NLGN1: variants seen among roughly 807,000 people sequenced by gnomAD.
NLGN1 encodes the protein neuroligin-1.
A neutral mutation model predicts 65.5 loss-of-function variants in NLGN1; 12 were observed. That is an observed-to-expected ratio of 0.18 (90% CI 0.12 to 0.30). The LOEUF (loss-of-function observed/expected upper bound fraction) is 0.30, where lower values mean the gene tolerates loss of function less well. Among genes scored for constraint, NLGN1 ranks in the 10% least tolerant of loss-of-function variants. NLGN1 has a pLI of 1.00. For synonymous variants in NLGN1, 350 were observed against 359.5 expected (o/e 0.97, Z 0.30); for missense variants, 750 against 1,007.1 (o/e 0.74, Z 3.46).
At chr3:173,400,902 A>T (rs1717561744) in intron 1 of NLGN1, among the ~76,000 whole-genome samples, 2 of 152,240 alleles carry the variant, frequency 1.3e-5, no homozygotes, top group East Asian at 3.8e-4. Flanking sequence ...GATTAAGCAA[A>T]TAAAGCTTTA....
At chr3:174,159,597 CAAAG>C (rs1726118229) in intron 4 of NLGN1, among the ~76,000 whole-genome samples, 1 of 151,178 alleles carries the variant, frequency 6.6e-6, no homozygotes, top group South Asian at 2.1e-4. Flanking sequence ...GGTGGAGAGA[CAAAG>C]AAATATTTAT....
intron 4 of NLGN1, among the ~76,000 whole-genome samples, chr3:173,920,048 A>T (rs1002924135): frequency 6.6e-6 from 1 of 152,038 alleles, no homozygotes; most frequent in Non-Finnish European, 1.5e-5. Context: ...GGGTTGAGAG[A>T]GACATTGAGA....
intron 4 of NLGN1, among the ~76,000 whole-genome samples, chr3:174,122,788 A>T (rs1232036571): frequency 5.9e-5 from 9 of 152,128 alleles, no homozygotes; most frequent in Admixed American, 5.9e-4. Context: ...TACAGAGAGA[A>T]GATGAATTTT....
chr3:173,413,729 A>G (rs775824481), intron 1 of NLGN1, among the ~76,000 whole-genome samples: 1 of 152,238 alleles, frequency 6.6e-6, no homozygotes, highest in Non-Finnish European at 1.5e-5. Context: ...CACTTCCTTC[A>G]GGAGCCTTGA....
At chr3:173,516,977 ACT>A (rs1345908713) in intron 2 of NLGN1, among the ~76,000 whole-genome samples, 1 of 151,960 alleles carries the variant, frequency 6.6e-6, no homozygotes, top group African/African-American at 2.4e-5. Flanking sequence ...TACTATCATC[ACT>A]CTGTACTTAA....
intron 4 of NLGN1, among the ~76,000 whole-genome samples, chr3:173,953,546 C>T (rs141333932): frequency 0.018 from 2,663 of 151,606 alleles, 80 homozygotes; most frequent in African/African-American, 0.06. Flanking sequence ...TACTTACTTA[C>T]TTATTTATTT....
chr3:174,008,944 T>A (rs1220345602), intron 4 of NLGN1, among the ~76,000 whole-genome samples: 1 of 152,204 alleles, frequency 6.6e-6, no homozygotes, highest in African/African-American at 2.4e-5. Flanking sequence ...ATTCTGTGTT[T>A]GACATGAAAG....
chr3:173,492,080 C>A (rs1210704205), intron 2 of NLGN1, among the ~76,000 whole-genome samples: 1 of 151,766 alleles, frequency 6.6e-6, no homozygotes, highest in Non-Finnish European at 1.5e-5. Context: ...TGAATTTACA[C>A]CTCTGGGTTT....
intron 4 of NLGN1, among the ~76,000 whole-genome samples, chr3:174,247,225 A>T (rs1743963169): frequency 6.6e-6 from 1 of 152,184 alleles, no homozygotes; most frequent in Non-Finnish European, 1.5e-5. Context: ...TTTTGACAGA[A>T]CTGTGTCCAT....
chr3:173,572,648 A>G (rs562463393), intron 2 of NLGN1, among the ~76,000 whole-genome samples: 4 of 152,292 alleles, frequency 2.6e-5, no homozygotes, highest in East Asian at 1.9e-4. Context: ...TCTGGTTGTC[A>G]TAGTTATGAT....
At chr3:174,029,888 C>T (rs947838568) in intron 4 of NLGN1, among the ~76,000 whole-genome samples, 6 of 152,150 alleles carry the variant, frequency 3.9e-5, no homozygotes, top group Non-Finnish European at 7.3e-5. Context: ...TTGCCTTCCA[C>T]CATGATTGTT....
intron 2 of NLGN1, among the ~76,000 whole-genome samples, chr3:173,568,166 TTTC>T (rs1215301721): frequency 6.6e-6 from 1 of 151,628 alleles, no homozygotes; most frequent in South Asian, 2.1e-4. Flanking sequence ...TCCTTCTTTC[TTTC>T]TTTTCTTTCT....
intron 4 of NLGN1, among the ~76,000 whole-genome samples, chr3:174,172,041 G>GTT (rs772563545): frequency 8.5e-5 from 13 of 152,176 alleles, no homozygotes; most frequent in South Asian, 2.1e-4. Context: ...CATGCCAAGA[G>GTT]TTTTGTTCAA....
At chr3:173,984,828 C>G (rs1000842969) in intron 4 of NLGN1, among the ~76,000 whole-genome samples, 1 of 151,950 alleles carries the variant, frequency 6.6e-6, no homozygotes, top group Admixed American at 6.6e-5. Flanking sequence ...TGGATCACAA[C>G]GTCAGGAGTT....
chr3:173,792,091 T>C (rs769960566), intron 3 of NLGN1, among the ~76,000 whole-genome samples: 9 of 152,140 alleles, frequency 5.9e-5, no homozygotes, highest in Non-Finnish European at 1.3e-4. Flanking sequence ...GATCAACTCA[T>C]GTGGAATAGC....
At chr3:173,858,597 A>T (rs960718469) in intron 4 of NLGN1, among the ~76,000 whole-genome samples, 1 of 152,192 alleles carries the variant, frequency 6.6e-6, no homozygotes, top group Middle Eastern at 3.4e-3. Flanking sequence ...ATCCTTGCTT[A>T]TCCCATTGTA....
At chr3:173,771,586 T>A (rs577573454) in intron 3 of NLGN1, among the ~76,000 whole-genome samples, 1 of 34,822 alleles carries the variant, frequency 2.9e-5, no homozygotes, top group Non-Finnish European at 9.1e-5. Context: ...GTATGAGGTT[T>A]GTATGTTACC....
intron 3 of NLGN1, among the ~76,000 whole-genome samples, chr3:173,806,017 C>T (rs1716565001): frequency 6.6e-6 from 1 of 152,012 alleles, no homozygotes; most frequent in Non-Finnish European, 1.5e-5. Context: ...GTGAATGGTT[C>T]CTATGTCAAA....
intron 3 of NLGN1, among the ~76,000 whole-genome samples, chr3:173,741,238 G>A (rs1418329230): frequency 6.6e-6 from 1 of 151,986 alleles, no homozygotes; most frequent in East Asian, 1.9e-4. Context: ...CTGTTGCCTA[G>A]CATGGCATCT....
Sources: allele counts gnomAD v4.1 joint callset (sites outside exome capture counted in the v4.1 genomes callset), GRCh38; gene constraint gnomAD v4.1.1; transcripts MANE v1.5; gene names NCBI Gene and HGNC (gene_info 2026-07-23, HGNC 2026-07-21).